The following CATSPER4 variants were observed in gnomAD, a reference collection of about 807,000 sequenced individuals.
The protein encoded by CATSPER4 is cation channel sperm-associated protein 4.
CATSPER4 carries 46 observed loss-of-function variants against 54.4 expected under a neutral mutation model. The ratio of observed to expected loss-of-function variants is 0.84; its 90% CI spans 0.67 to 1.08. The LOEUF (loss-of-function observed/expected upper bound fraction) is 1.08. CATSPER4 is among the 50% of genes least tolerant of loss of function. CATSPER4 has a pLI of 0.00. For synonymous variants in CATSPER4, 230 were observed against 231.9 expected (o/e 0.99, Z 0.08); for missense variants, 574 against 612.8 (o/e 0.94, Z 0.67).
rs772103136 is a variant in CATSPER4, at chr1:26,190,671, A to G, written c.44A>G (p.His15Arg). The change falls in exon 1 of 10, where the codon CAT becomes CGT. Residue 15 changes from histidine to arginine, a missense_variant. Transcript: ENST00000456354. ...EKAWWQQWTS[H>R]TGLEGWGGTQ... ...GCCTGGTGGCAGCAATGGACCTCCCATACAGGCCTCGAGGGGTGGGGCGGG... is the reference window on the plus strand; with the variant it reads ...GCCTGGTGGCAGCAATGGACCTCCCGTACAGGCCTCGAGGGGTGGGGCGGG... 1.9e-6 allele frequency: 3 copies of G among 1,609,994 alleles called. No homozygotes were observed. The highest frequency in any genetic ancestry group is 2.5e-6 in the Non-Finnish European group (3 of 1,179,908).
In CATSPER4 at chr1:26,200,844, AGAG is replaced by A; in HGVS notation, c.1009_1011del (p.Glu337del). On this transcript the variant is annotated inframe_deletion, in exon 8 of 10. Transcript: ENST00000456354. ...CCGCTTCCCAGACAGGCGCAGAGGA[AGAG>A]GAGGAGAATGACCAGCTGCCACTGG... is the stretch of plus-strand genomic sequence containing the variant. 3 of 1,613,858 alleles carry A rather than the reference AGAG, an allele frequency of 1.9e-6. No homozygotes were observed. Among genetic ancestry groups the A allele is most frequent in the South Asian group, 1.1e-5 (1 of 91,074 alleles).
intron 2 of CATSPER4, among the ~76,000 whole-genome samples, chr1:26,191,815 G>C (rs2088872243): frequency 6.6e-6 from 1 of 152,138 alleles, no homozygotes; most frequent in African/African-American, 2.4e-5. Flanking sequence ...ACTGGGTCCT[G>C]TCTCAGACAC....
rs980476967 is a variant in CATSPER4 at position 26,197,680 on chromosome 1, C to A, written c.460-6C>A. On this transcript the variant is annotated splice_region_variant and splice_polypyrimidine_tract_variant and intron_variant, in intron 3 of 9. Coordinates refer to ENST00000456354, the MANE Select transcript of CATSPER4 (RefSeq NM_198137.2). ...CAGACCCCACTGGGGCTGGCCCACT[C>A]CCCAGGACGGCTGGAACATCCTCAA... 6.2e-7 allele frequency: 1 copy of A among 1,611,188 alleles called. No individual in the cohort carries two copies. Among genetic ancestry groups the A allele is most frequent in the African/African-American group, 1.3e-5 (1 of 74,954 alleles).
At position 26,191,279 on chromosome 1, in the gene CATSPER4, T is replaced by G. The variant is rs2088864739; in HGVS notation, c.214-8T>G. The G allele has an allele frequency of 6.2e-7, 1 of 1,613,908 alleles. No individual in the cohort carries two copies. Among genetic ancestry groups the G allele is most frequent in the South Asian group, 1.1e-5 (1 of 91,076 alleles). On this transcript the variant is annotated splice_polypyrimidine_tract_variant and splice_region_variant and intron_variant, in intron 1 of 9. Coordinates refer to ENST00000456354, the MANE Select transcript of CATSPER4 (RefSeq NM_198137.2). ...ACCTGCCTGAAGGAAGGTCCTGCCC[T>G]CTTCCAGGACGCCTGGGACATGCAG... is the stretch of plus-strand genomic sequence containing the variant.
At position 26,201,402 on chromosome 1, in the gene CATSPER4, A is replaced by C; in HGVS notation, c.1248A>C (p.Ser416=). ...TCCGCTTCAACCAGGAGCAGGAGTC[A>C]GAGGTGTTGAACAGGCGCTCGTCGA... The part of the protein sequence containing the change: ...RAIRFNQEQE[S]EVLNRRSSTS... Residue 416 remains serine, a synonymous_variant, in exon 9 of 10, where the codon TCA becomes TCC. Coordinates refer to ENST00000456354, the MANE Select transcript of CATSPER4 (RefSeq NM_198137.2). The C allele has an allele frequency of 1.2e-6, 2 of 1,614,168 alleles. No individual in the cohort carries two copies. The highest frequency in any genetic ancestry group is 1.7e-6 in the Non-Finnish European group (2 of 1,180,016).
chr1:26,192,114 T>G (rs1342211525), intron 2 of CATSPER4, among the ~76,000 whole-genome samples: 1 of 151,250 alleles, frequency 6.6e-6, no homozygotes, highest in Non-Finnish European at 1.5e-5. Context: ...TGACTTATCC[T>G]TGATGTTTTA....
Position 26,190,777 on chromosome 1 carries a change from C to CGAGTCCTA in CATSPER4, c.151_158dup (p.Tyr53Ter). The CGAGTCCTA allele has an allele frequency of 3.1e-6, 5 of 1,613,406 alleles. No individual in the cohort carries two copies. Among genetic ancestry groups the CGAGTCCTA allele is most frequent in the Non-Finnish European group, 4.2e-6 (5 of 1,179,806 alleles). ...CCTCTCCCCTGCAGAGTACCATTCA[C>CGAGTCCTA]GAGTCCTACGGTCGGCCAGAGGAGC... On this transcript the variant is annotated frameshift_variant, in exon 1 of 10. Transcript: ENST00000456354. LOFTEE classifies it high-confidence loss of function.
chr1:26,195,040 C>T (rs188175060), intron 3 of CATSPER4, among the ~76,000 whole-genome samples: 5 of 152,110 alleles, frequency 3.3e-5, no homozygotes, highest in South Asian at 4.1e-4. Flanking sequence ...GCTGAGATTG[C>T]GCCACTGCAC....
In CATSPER4 at chr1:26,201,443, A is replaced by G; in HGVS notation, c.1289A>G (p.Glu430Gly). 6.2e-7 allele frequency: 1 copy of G among 1,614,042 alleles called. No individual in the cohort carries two copies. The highest frequency in any genetic ancestry group is 1.6e-4 in the Middle Eastern group (1 of 6,062). ...CGCTCGTCGACGAGCGGGTCGTTGG[A>G]GACTACGTCATCCAAGGACATCCGC... ...NRRSSTSGSL[E>G]TTSSKDIRQM... is the part of the protein sequence containing the mutation. The change falls in exon 9 of 10, where the codon GAG (glutamate) becomes GGG (glycine). Residue 430 changes from glutamate (E) to glycine (G), a missense_variant. Physicochemically the swap from Glu to Gly is moderately conservative, Grantham distance 98. Transcript: ENST00000456354.
At chr1:26,191,148 C>T (rs982828320) in intron 1 of CATSPER4, 139 bp from the exon 2 acceptor site, 2 of 984,968 alleles carry the variant, frequency 2.0e-6, no homozygotes, top group African/African-American at 3.2e-5. Flanking sequence ...ACACTGATGT[C>T]TCCATTCCAT....
At position 26,198,298 on chromosome 1, in the gene CATSPER4, T is replaced by G. The variant is rs753012382; in HGVS notation, c.691T>G (p.Phe231Val). 3.7e-6 allele frequency: 6 copies of G among 1,614,070 alleles called. No homozygotes were observed. Among genetic ancestry groups the G allele is most frequent in the Non-Finnish European group, 5.1e-6 (6 of 1,180,044 alleles). ...TTCTCTCTGACAGGTTTTTTCCGTG[T>G]TTGGAGTAACACTCTTTGGTGCATT... Reference protein sequence around the residue: ...ILFFMLVFSVFGVTLFGAFVP... With the variant: ...ILFFMLVFSVVGVTLFGAFVP... The change falls in exon 6 of 10, where the codon TTT (phenylalanine) becomes GTT (valine). Residue 231 changes from phenylalanine (F) to valine (V), a missense_variant. Transcript: ENST00000456354.
In CATSPER4 at chr1:26,198,538, G is replaced by T. The variant is rs1234298448; in HGVS notation, c.812+119G>T. 5.4e-6 allele frequency: 7 copies of T among 1,297,950 alleles called. No homozygotes were observed. In the South Asian group the frequency reaches 7.2e-5, roughly 13 times the overall value. 80.4% of individuals were successfully genotyped at this position (1,297,950 alleles called of 1,614,324 possible). The stretch of plus-strand genomic sequence containing the variant: ...ATGAGGATGGCCCAGTAGAAGTGGG[G>T]GTTCCCAGGTCTTTAAACAGAGGAA... On this transcript the variant is annotated intron_variant, in intron 6 of 9. Coordinates refer to ENST00000456354, the MANE Select transcript of CATSPER4 (RefSeq NM_198137.2).
At chr1:26,201,167 C>T (rs114809277) in intron 8 of CATSPER4, 126 bp downstream of exon 8, 1 of 979,416 alleles carries the variant, frequency 1.0e-6, no homozygotes, top group South Asian at 1.4e-5. Flanking sequence ...AGGTCCCCCA[C>T]CCTATTGGTG....
Position 26,190,850 on chromosome 1 carries a change from G to T in CATSPER4, c.213+10G>T, listed in dbSNP as rs752046032. The T allele has an allele frequency of 3.8e-6, 6 of 1,595,928 alleles. No homozygotes were observed. Among genetic ancestry groups the T allele is most frequent in the Admixed American group, 1.7e-5 (1 of 57,392 alleles). ...AATCACGAACAAAGCGGTAAGGATAGCTCTCGCCCCACAGTGGCCCCTTCT... is the reference window on the plus strand; with the variant it reads ...AATCACGAACAAAGCGGTAAGGATATCTCTCGCCCCACAGTGGCCCCTTCT... On this transcript the variant is annotated intron_variant, in intron 1 of 9. Coordinates refer to ENST00000456354, the MANE Select transcript of CATSPER4 (RefSeq NM_198137.2).
chr1:26,193,445 C>G (rs963520997), intron 2 of CATSPER4, among the ~76,000 whole-genome samples: 3 of 152,146 alleles, frequency 2.0e-5, no homozygotes, highest in Non-Finnish European at 4.4e-5. Flanking sequence ...CAAAATATCC[C>G]TATTCTAGAA....
chr1:26,198,045 A>G lies in CATSPER4; in HGVS notation c.646A>G (p.Asn216Asp), dbSNP rs2088963896. 6.2e-7 allele frequency: 1 copy of G among 1,613,884 alleles called. No individual in the cohort carries two copies. Among genetic ancestry groups the G allele is most frequent in the African/African-American group, 1.3e-5 (1 of 74,908 alleles). Residue 216 changes from asparagine (N) to aspartate (D), a missense_variant, in exon 5 of 10, where the codon AAT (asparagine) becomes GAT (aspartate). Transcript: ENST00000456354. ...CCTGCAGTCGGTGCCTGACATGGCC[A>G]ATATCATGGTCCTCATCCTCTTCTT... ...VILQSVPDMA[N>D]IMVLILFFML... is the part of the protein sequence containing the mutation.
rs747872988 is a variant in CATSPER4 at position 26,190,622 on chromosome 1, G to A, written c.-6G>A. 6.3e-7 allele frequency: 1 copy of A among 1,599,242 alleles called. No individual in the cohort carries two copies. Among genetic ancestry groups the A allele is most frequent in the African/African-American group, 1.3e-5 (1 of 74,970 alleles). On this transcript the variant is annotated 5_prime_UTR_variant, in exon 1 of 10. Coordinates refer to ENST00000456354, the MANE Select transcript of CATSPER4 (RefSeq NM_198137.2). The stretch of plus-strand genomic sequence containing the variant: ...TCTTTGAGGAGAAGGAAGAGACTGA[G>A]CAAACATGAGGGATAATGAAAAGGC...
At chr1:26,193,724 G>A (rs1259475555) in intron 2 of CATSPER4, 63 bp from the exon 3 acceptor site, 6 of 1,054,350 alleles carry the variant, frequency 5.7e-6, no homozygotes, top group South Asian at 3.8e-5. Context: ...TCTCCCTGCC[G>A]GCTTGCCCAG....
In CATSPER4 at chr1:26,199,985, T is replaced by C. The variant is rs1425354013; in HGVS notation, c.914T>C (p.Val305Ala). The C allele has an allele frequency of 6.2e-7, 1 of 1,614,100 alleles. No individual in the cohort carries two copies. The highest frequency in any genetic ancestry group is 8.5e-7 in the Non-Finnish European group (1 of 1,179,980). ...ATTGGCATCAACCTGTTCGTCATCG[T>C]GGTGACCACCAACCTGGAGCAAATG... ...AFIGINLFVI[V>A]VTTNLEQMMK... is the part of the protein sequence containing the mutation. Residue 305 changes from valine to alanine, a missense_variant, in exon 7 of 10, where the codon GTG (valine) becomes GCG (alanine). By Grantham distance (64) the Val-to-Ala change is moderately conservative. Coordinates refer to ENST00000456354, the MANE Select transcript of CATSPER4 (RefSeq NM_198137.2).
Sources: allele counts gnomAD v4.1 joint callset (sites outside exome capture counted in the v4.1 genomes callset), GRCh38; gene constraint gnomAD v4.1.1; transcripts MANE v1.5; gene names NCBI Gene and HGNC (gene_info 2026-07-23, HGNC 2026-07-21).